Variants in EBF1 observed in about 807,000 individuals in gnomAD.
The protein encoded by EBF1 is EBF transcription factor 1.
EBF1 carries 10 observed loss-of-function variants against 68.4 expected under a neutral mutation model. The ratio of observed to expected loss-of-function variants is 0.15; its 90% CI spans 0.09 to 0.25. The LOEUF (loss-of-function observed/expected upper bound fraction) is 0.25, where lower values mean the gene tolerates loss of function less well. Ranked by LOEUF, EBF1 falls within the 10% of genes least tolerant of loss-of-function variation. EBF1 has a pLI of 1.00. For missense variants in EBF1, 509 were observed against 794.4 expected (o/e 0.64, Z 4.32); for synonymous variants, 298 against 299.8 (o/e 0.99, Z 0.06).
chr5:159,002,396 C>T (rs908461500), intron 6 of EBF1, among the ~76,000 whole-genome samples: 1 of 152,122 alleles, frequency 6.6e-6, no homozygotes, highest in East Asian at 1.9e-4. Flanking sequence ...GGCAATATGC[C>T]GTTAGCCTGA....
At chr5:158,843,886 AC>A (rs1790842751) in intron 6 of EBF1, among the ~76,000 whole-genome samples, 1 of 152,060 alleles carries the variant, frequency 6.6e-6, no homozygotes, top group East Asian at 1.9e-4. Flanking sequence ...GCCTTTGTAA[AC>A]CGGGGGACAT....
intron 10 of EBF1, among the ~76,000 whole-genome samples, chr5:158,741,544 C>T (rs1275132411): frequency 1.3e-5 from 2 of 150,146 alleles, no homozygotes; most frequent in Non-Finnish European, 2.9e-5. Flanking sequence ...TACTGCCCTC[C>T]AGCCTGGGTG....
intron 6 of EBF1, among the ~76,000 whole-genome samples, chr5:159,067,605 T>G (rs993059800): frequency 6.6e-6 from 1 of 152,240 alleles, no homozygotes; most frequent in Admixed American, 6.5e-5. Context: ...AGACTGCGAT[T>G]AGCTTATTGT....
chr5:158,945,264 G>A (rs1814401551), intron 6 of EBF1, among the ~76,000 whole-genome samples: 1 of 152,056 alleles, frequency 6.6e-6, no homozygotes, highest in Non-Finnish European at 1.5e-5. Context: ...TGTAAGGAAG[G>A]GGTCCAGTTT....
intron 6 of EBF1, among the ~76,000 whole-genome samples, chr5:158,949,613 T>C (rs534904431): frequency 6.6e-6 from 1 of 152,198 alleles, no homozygotes; most frequent in African/African-American, 2.4e-5. Context: ...TCCTAGAAGA[T>C]AAAAAGGTGA....
chr5:158,779,616 A>G (rs1317357148), intron 9 of EBF1, among the ~76,000 whole-genome samples: 2 of 152,212 alleles, frequency 1.3e-5, no homozygotes, highest in Admixed American at 6.5e-5. Flanking sequence ...TTAACTCACA[A>G]TAATACTGAT....
intron 6 of EBF1, among the ~76,000 whole-genome samples, chr5:158,959,338 T>A (rs1817718103): frequency 6.6e-6 from 1 of 151,434 alleles, no homozygotes; most frequent in African/African-American, 2.4e-5. Flanking sequence ...GTCACCCTAG[T>A]TGGAGTGCAG....
At chr5:159,074,292 A>T (rs1222918165) in intron 5 of EBF1, among the ~76,000 whole-genome samples, 5 of 152,200 alleles carry the variant, frequency 3.3e-5, no homozygotes, top group Non-Finnish European at 7.4e-5. Context: ...GATGCCTTCT[A>T]AAGGGTGAAC....
intron 6 of EBF1, among the ~76,000 whole-genome samples, chr5:158,950,094 C>T (rs766802041): frequency 3.9e-5 from 6 of 152,190 alleles, no homozygotes; most frequent in Non-Finnish European, 8.8e-5. Flanking sequence ...GGCTTCCACA[C>T]AGGCAGTGGG....
chr5:158,902,390 C>T (rs545810929), intron 6 of EBF1, among the ~76,000 whole-genome samples: 2 of 149,310 alleles, frequency 1.3e-5, no homozygotes, highest in South Asian at 2.1e-4. Flanking sequence ...GATCAAAGTA[C>T]GATTAGGCCC....
intron 8 of EBF1, among the ~76,000 whole-genome samples, chr5:158,808,375 A>G (rs531052035): frequency 1.3e-3 from 205 of 152,278 alleles, no homozygotes; most frequent in Non-Finnish European, 2.7e-3. Flanking sequence ...ATCAAAACCC[A>G]GATTAACCTT....
intron 6 of EBF1, among the ~76,000 whole-genome samples, chr5:158,955,648 G>A (rs1347096418): frequency 6.6e-6 from 1 of 152,212 alleles, no homozygotes; most frequent in Non-Finnish European, 1.5e-5. Context: ...AATCCAGGCA[G>A]AATGTTTTGA....
rs35687472 is a variant in EBF1, at chr5:158,788,992, GT to G, written c.909+7352del. Among the ~76,000 whole-genome samples the G allele has an allele frequency of 3.8e-3, 563 of 148,738 alleles. 2 individuals carry two copies. The highest frequency in any genetic ancestry group is 5.9e-3 in the Non-Finnish European group (394 of 66,858). On this transcript the variant is annotated intron_variant, in intron 9 of 15. Coordinates refer to ENST00000313708, the MANE Select transcript of EBF1 (RefSeq NM_024007.5). ...AAAGGCCATTAGACCATTTTTATCT[GT>G]TTTTTTTTTAATATGCTGGCTCATT... is the stretch of plus-strand genomic sequence containing the variant.
At chr5:158,751,232 T>C (rs1192637884) in intron 10 of EBF1, among the ~76,000 whole-genome samples, 1 of 152,152 alleles carries the variant, frequency 6.6e-6, no homozygotes, top group Non-Finnish European at 1.5e-5. Flanking sequence ...TGTTTTTCTC[T>C]AAATTTTCTA....
At chr5:158,715,424 A>G (rs1240591301) in intron 11 of EBF1, among the ~76,000 whole-genome samples, 1 of 152,206 alleles carries the variant, frequency 6.6e-6, no homozygotes, top group African/African-American at 2.4e-5. Context: ...ACATATTAGC[A>G]TTTTTCAATT....
At chr5:158,977,845 G>A (rs75205536) in intron 6 of EBF1, among the ~76,000 whole-genome samples, 3,040 of 152,186 alleles carry the variant, frequency 0.02, 102 homozygotes, top group African/African-American at 0.07. Context: ...GCCTCAACCC[G>A]CCCTGCCTTA....
At chr5:158,930,260 G>GTTTTTTTTTTTTTTT (rs1007919859) in intron 6 of EBF1, among the ~76,000 whole-genome samples, 1 of 99,020 alleles carries the variant, frequency 1.0e-5, no homozygotes, top group Non-Finnish European at 2.4e-5. Flanking sequence ...TAGTTTTTTT[G>GTTTTTTTTTTTTTTT]TTTTTTTTTT....
rs1755835642 is a variant in EBF1, at chr5:158,696,787, T to TG, written c.*2323dup. 1.4e-5 allele frequency: 2 copies of TG among 143,324 alleles called. No individual in the cohort carries two copies. Among genetic ancestry groups the TG allele is most frequent in the South Asian group, 2.6e-4 (1 of 3,826 alleles). 8.9% of individuals were successfully genotyped at this position (143,324 alleles called of 1,614,324 possible). A position where few individuals can be genotyped will look rare whatever the true frequency, so the allele number is the denominator to read the frequency against. On this transcript the variant is annotated 3_prime_UTR_variant, in exon 16 of 16. Transcript: ENST00000313708. ...AGTGAAAACCATTGCAAAATCCATA[T>TG]GGGGGCATGCACAGTTGCAGCATTG...
Position 158,698,849 on chromosome 5 carries a change from G to C in EBF1, c.*262C>G. On this transcript the variant is annotated 3_prime_UTR_variant, in exon 16 of 16. Coordinates refer to ENST00000313708, the MANE Select transcript of EBF1 (RefSeq NM_024007.5). ...AAAAAAAAAAGAAAAAGAAAAAGTG[G>C]ATTTGCTTTTGTCAATACAGAATAA... The C allele has an allele frequency of 2.8e-6, 1 of 360,056 alleles. No individual in the cohort carries two copies. The highest frequency in any genetic ancestry group is 5.0e-6 in the Non-Finnish European group (1 of 201,618). 22.3% of individuals were successfully genotyped at this position (360,056 alleles called of 1,614,324 possible).
Sources: allele counts gnomAD v4.1 joint callset (sites outside exome capture counted in the v4.1 genomes callset), GRCh38; gene constraint gnomAD v4.1.1; transcripts MANE v1.5; gene names NCBI Gene and HGNC (gene_info 2026-07-23, HGNC 2026-07-21).